The following CDH12 variants were observed in gnomAD, a reference collection of about 807,000 sequenced individuals.
CDH12 encodes the protein cadherin 12.
In CDH12, 41 loss-of-function variants were observed where a neutral mutation model predicts 74.1. The observed-to-expected ratio is 0.55, with a 90% CI of 0.43 to 0.72. CDH12 has a LOEUF of 0.72. Ranked by LOEUF, CDH12 falls within the 30% of genes least tolerant of loss-of-function variation. CDH12 has a pLI of 0.00. For missense variants in CDH12, 945 were observed against 977.2 expected (o/e 0.97, Z 0.44); for synonymous variants, 399 against 355.0 (o/e 1.12, Z -1.39).
intron 4 of CDH12, among the ~76,000 whole-genome samples, chr5:22,136,312 G>A (rs1314926319): frequency 6.6e-6 from 1 of 151,810 alleles, no homozygotes; most frequent in Admixed American, 6.6e-5. Context: ...GTGGAGTGAG[G>A]TTACCCTAAA....
At chr5:22,694,511 C>A (rs996621761) in intron 1 of CDH12, among the ~76,000 whole-genome samples, 1 of 151,962 alleles carries the variant, frequency 6.6e-6, no homozygotes, top group Non-Finnish European at 1.5e-5. Context: ...TATTGTTTTT[C>A]TATTTGTTTA....
chr5:22,609,747 A>C (rs1737300497), intron 1 of CDH12, among the ~76,000 whole-genome samples: 1 of 152,238 alleles, frequency 6.6e-6, no homozygotes, highest in African/African-American at 2.4e-5. Context: ...CTAAAAAAAC[A>C]TGAAGGAAAT....
intron 3 of CDH12, among the ~76,000 whole-genome samples, chr5:22,219,883 A>G (rs1751952745): frequency 6.6e-6 from 1 of 151,816 alleles, no homozygotes; most frequent in Admixed American, 6.6e-5. Flanking sequence ...GATACACACT[A>G]AGAAGATAAC....
intron 1 of CDH12, among the ~76,000 whole-genome samples, chr5:22,685,652 C>T (rs770003177): frequency 2.6e-5 from 4 of 152,156 alleles, no homozygotes; most frequent in Non-Finnish European, 5.9e-5. Context: ...AGAATAACAC[C>T]GTATGTGGTC....
rs529107480 is a variant in CDH12, at chr5:22,049,264, C to CAAAATTATTTGTA, written c.231+29169_231+29181dup. 6.2e-3 allele frequency among the ~76,000 whole-genome samples: 940 copies of CAAAATTATTTGTA among 152,198 alleles called. 8 individuals carry two copies. Among genetic ancestry groups the CAAAATTATTTGTA allele is most frequent in the African/African-American group, 0.021 (890 of 41,526 alleles). The stretch of plus-strand genomic sequence containing the variant: ...GATATCCAGAATTCAGCAACTCTTA[C>CAAAATTATTTGTA]AAAATTATTTGTAAAAATTATTTCT... On this transcript the variant is annotated intron_variant, in intron 5 of 14. Coordinates refer to ENST00000382254, the MANE Select transcript of CDH12 (RefSeq NM_004061.5).
intron 10 of CDH12, among the ~76,000 whole-genome samples, chr5:21,787,859 C>A (rs545780628): frequency 7.8e-4 from 119 of 152,192 alleles, no homozygotes; most frequent in Non-Finnish European, 1.3e-3. Flanking sequence ...TTCTCCGTAC[C>A]GCATATTCTT....
intron 9 of CDH12, among the ~76,000 whole-genome samples, chr5:21,808,109 T>C (rs1351606223): frequency 6.6e-6 from 1 of 151,966 alleles, no homozygotes; most frequent in Non-Finnish European, 1.5e-5. Context: ...CACAAGGAAG[T>C]AGTAACTACC....
intron 6 of CDH12, among the ~76,000 whole-genome samples, chr5:21,937,620 G>A (rs1280189824): frequency 6.6e-6 from 1 of 152,116 alleles, no homozygotes; most frequent in Non-Finnish European, 1.5e-5. Context: ...CCAAGATAGG[G>A]AATACAGACA....
intron 1 of CDH12, among the ~76,000 whole-genome samples, chr5:22,722,850 C>A (rs765436498): frequency 3.4e-4 from 52 of 152,152 alleles, no homozygotes; most frequent in Non-Finnish European, 4.1e-4. Flanking sequence ...GTGTTTCTGT[C>A]CATATGTGTT....
intron 2 of CDH12, among the ~76,000 whole-genome samples, chr5:22,454,828 A>G (rs1447087678): frequency 4.2e-4 from 64 of 152,114 alleles, no homozygotes; most frequent in Non-Finnish European, 1.5e-4. Context: ...CCAACCTGGG[A>G]CCTAATGTAA....
chr5:22,814,159 T>G (rs1172020013), intron 1 of CDH12, among the ~76,000 whole-genome samples: 2 of 152,190 alleles, frequency 1.3e-5, no homozygotes, highest in Non-Finnish European at 1.5e-5. Context: ...GACATTTTCT[T>G]GTCTTACATA....
chr5:22,852,958 G>A (rs371725267), intron 1 of CDH12, 100 bp downstream of exon 1: 2 of 152,258 alleles, frequency 1.3e-5, no homozygotes, highest in South Asian at 2.1e-4. Flanking sequence ...TTCTCACTAC[G>A]CTAGGCATCA....
intron 1 of CDH12, among the ~76,000 whole-genome samples, chr5:22,519,328 G>A (rs1028735476): frequency 7.9e-5 from 12 of 151,928 alleles, no homozygotes; most frequent in African/African-American, 2.4e-4. Context: ...TTACTTTAGT[G>A]TGAACATTGA....
At chr5:22,670,133 A>T (rs1334000379) in intron 1 of CDH12, among the ~76,000 whole-genome samples, 5 of 152,230 alleles carry the variant, frequency 3.3e-5, no homozygotes, top group Middle Eastern at 6.8e-3. Context: ...AAGATGCCAT[A>T]CTTTAAGACT....
chr5:22,253,770 T>A (rs562525701), intron 3 of CDH12, among the ~76,000 whole-genome samples: 1 of 151,960 alleles, frequency 6.6e-6, no homozygotes, highest in Non-Finnish European at 1.5e-5. Context: ...CTCTTCCTAC[T>A]CCTCCTCTTT....
intron 3 of CDH12, among the ~76,000 whole-genome samples, chr5:22,349,521 A>C (rs1009083602): frequency 6.6e-6 from 1 of 152,092 alleles, no homozygotes; most frequent in African/African-American, 2.4e-5. Context: ...CATAATTTTA[A>C]TCCCCTCTTT....
At chr5:21,871,755 A>C (rs1201172103) in intron 6 of CDH12, among the ~76,000 whole-genome samples, 1 of 152,036 alleles carries the variant, frequency 6.6e-6, no homozygotes, top group East Asian at 1.9e-4. Context: ...AAATAATGCA[A>C]ATACCTACAT....
intron 5 of CDH12, among the ~76,000 whole-genome samples, chr5:22,017,483 A>G (rs116738090): frequency 0.024 from 3,650 of 152,210 alleles, 166 homozygotes; most frequent in African/African-American, 0.083. Flanking sequence ...TCCCTTATGT[A>G]TATCAGATGA....
At chr5:22,184,663 C>A (rs763455699) in intron 4 of CDH12, among the ~76,000 whole-genome samples, 1 of 150,978 alleles carries the variant, frequency 6.6e-6, no homozygotes, top group Non-Finnish European at 1.5e-5. Context: ...AGAACTACAT[C>A]TTCTTATTTA....
Sources: gnomAD v4.1 joint callset for allele counts (sites outside exome capture counted in the v4.1 genomes callset) on GRCh38, gnomAD v4.1.1 for gene constraint, MANE v1.5 for transcripts, NCBI Gene and HGNC (gene_info 2026-07-23, HGNC 2026-07-21) for gene names.